PROM1: variants seen among roughly 807,000 people sequenced by gnomAD.
PROM1 encodes the protein prominin 1, also known as prominin-1.
Under a neutral mutation model 116.9 loss-of-function variants are expected in PROM1, and 105 were observed. The ratio of observed to expected loss-of-function variants is 0.90; its 90% CI spans 0.77 to 1.06. The LOEUF (loss-of-function observed/expected upper bound fraction) is 1.06. PROM1 is among the 50% of genes least tolerant of loss of function. PROM1 has a pLI of 0.00. For missense variants in PROM1, 1,122 were observed against 1,045.2 expected (o/e 1.07, Z -1.01); for synonymous variants, 393 against 387.0 (o/e 1.02, Z -0.18).
At chr4:15,972,634 A>C (rs1714880805) in intron 26 of PROM1, among the ~76,000 whole-genome samples, 2 of 152,200 alleles carry the variant, frequency 1.3e-5, no homozygotes, top group Non-Finnish European at 2.9e-5. Flanking sequence ...CTAATCCTGG[A>C]AGCTCCTGAT....
At chr4:16,042,010 C>T (rs1041873843) in intron 2 of PROM1, among the ~76,000 whole-genome samples, 8 of 151,988 alleles carry the variant, frequency 5.3e-5, no homozygotes, top group African/African-American at 1.9e-4. Flanking sequence ...GATGGTGTCT[C>T]ACAATGTTGC....
intron 8 of PROM1, among the ~76,000 whole-genome samples, chr4:16,022,861 C>A (rs60968369): frequency 6.6e-6 from 1 of 152,110 alleles, no homozygotes. Flanking sequence ...AATCAATTTC[C>A]CTCTGATTGA....
chr4:15,991,385 A>G (rs1720947338), intron 17 of PROM1, 92 bp from the exon 18 acceptor site: 2 of 830,846 alleles, frequency 2.4e-6, no homozygotes, highest in African/African-American at 1.8e-5. Context: ...ACATGGATTC[A>G]TAACCATAAA....
At chr4:15,980,197 G>A in intron 24 of PROM1, 1 of 620,092 alleles carries the variant, frequency 1.6e-6, no homozygotes, top group Non-Finnish European at 2.8e-6. Context: ...GCTGGTTAGG[G>A]AAGCTGAGAG....
At chr4:16,063,821 ATACT>A (rs1005016646) in intron 2 of PROM1, among the ~76,000 whole-genome samples, 3 of 152,248 alleles carry the variant, frequency 2.0e-5, no homozygotes, top group Admixed American at 6.5e-5. Context: ...ACATTCTGAA[ATACT>A]TACAGATGAA....
At position 15,968,865 on chromosome 4, in the gene PROM1, T is replaced by A. The variant is rs188494741; in HGVS notation, c.*528A>T. On this transcript the variant is annotated 3_prime_UTR_variant, in exon 28 of 28. Transcript: ENST00000447510. Reference sequence around the variant, plus strand: ...GATTATTTTCAACAGCACCAAGAAGTCAATGGTGACTTATTTAGCTCATTT... The same window carrying A: ...GATTATTTTCAACAGCACCAAGAAGACAATGGTGACTTATTTAGCTCATTT... 3.3e-5 allele frequency: 5 copies of A among 152,318 alleles called. No homozygotes were observed. Among genetic ancestry groups the A allele is most frequent in the Admixed American group, 6.5e-5 (1 of 15,308 alleles). The allele number at this position is 152,318 out of a possible 1,614,324, so 9.4% of individuals were successfully genotyped here. A position where few individuals can be genotyped will look rare whatever the true frequency, so the allele number is the denominator to read the frequency against.
At chr4:15,974,118 TTCTCTCTCTCTCTCTCTC>T (rs35011290) in intron 26 of PROM1, among the ~76,000 whole-genome samples, 1 of 149,360 alleles carries the variant, frequency 6.7e-6, no homozygotes. Flanking sequence ...CTCTCTCTCT[TTCTCTCTCTCTCTCTCTC>T]TCTCTCTAAA....
At chr4:16,081,142 C>T (rs1744970396) in intron 1 of PROM1, among the ~76,000 whole-genome samples, 1 of 151,828 alleles carries the variant, frequency 6.6e-6, no homozygotes, top group Non-Finnish European at 1.5e-5. Context: ...TATACATGTG[C>T]CATGTCGGTG....
At chr4:16,017,288 G>A (rs553405207) in intron 9 of PROM1, among the ~76,000 whole-genome samples, 1 of 152,214 alleles carries the variant, frequency 6.6e-6, no homozygotes, top group Non-Finnish European at 1.5e-5. Flanking sequence ...TGTGAACAGG[G>A]ATCCATGCGT....
intron 2 of PROM1, among the ~76,000 whole-genome samples, chr4:16,059,429 C>T (rs932529553): frequency 2.6e-5 from 4 of 152,186 alleles, no homozygotes; most frequent in Non-Finnish European, 5.9e-5. Flanking sequence ...ACTGGCCAGG[C>T]TCAGAAGCTC....
At chr4:16,013,132 G>C in intron 11 of PROM1, 143 bp downstream of exon 11, 1 of 664,264 alleles carries the variant, frequency 1.5e-6, no homozygotes, top group Non-Finnish European at 2.6e-6. Context: ...TGACACAATT[G>C]TAAAGCTCTG....
chr4:16,080,011 C>CAAAAAAAAAAAAAAAA, intron 1 of PROM1: 1 of 65,906 alleles, frequency 1.5e-5, no homozygotes, highest in Non-Finnish European at 2.6e-5. Context: ...CCTGTCTCTA[C>CAAAAAAAAAAAAAAAA]AAAAAAAAAA....
intron 17 of PROM1, 61 bp downstream of exon 17, chr4:15,992,187 A>C: frequency 6.3e-7 from 1 of 1,585,896 alleles, no homozygotes; most frequent in Non-Finnish European, 8.5e-7. Context: ...AGCAAAACAG[A>C]AATACACATC....
At chr4:16,047,964 T>C (rs190651361) in intron 2 of PROM1, among the ~76,000 whole-genome samples, 59 of 152,266 alleles carry the variant, frequency 3.9e-4, no homozygotes, top group African/African-American at 1.3e-3. Context: ...TGGTGTGCAC[T>C]CAATTCAAAG....
intron 17 of PROM1, 69 bp downstream of exon 17, chr4:15,992,179 C>T: frequency 1.3e-6 from 2 of 1,577,258 alleles, no homozygotes; most frequent in Middle Eastern, 1.7e-4. Flanking sequence ...AAATCAAAAG[C>T]AAAACAGAAA....
At chr4:16,043,447 T>A (rs926491608) in intron 2 of PROM1, among the ~76,000 whole-genome samples, 1 of 152,184 alleles carries the variant, frequency 6.6e-6, no homozygotes, top group Non-Finnish European at 1.5e-5. Flanking sequence ...ACCACAGGCA[T>A]GCACATCACA....
Position 16,038,985 on chromosome 4 carries a change from G to T in PROM1, c.237C>A (p.Phe79Leu). Residue 79 changes from phenylalanine (F) to leucine (L), a missense_variant, in exon 3 of 28, where the codon TTC becomes TTA. Physicochemically the swap from Phe to Leu is conservative, Grantham distance 22. Coordinates refer to ENST00000447510, the MANE Select transcript of PROM1 (RefSeq NM_006017.3). ...TTTTGGATTCATATGCCTTCTGTAA[G>T]AATTTTCTCAAAGTATCTGGAAAAA... ...RDFPEDTLRK[F>L]LQKAYESKID... 4.0e-6 allele frequency: 6 copies of T among 1,493,394 alleles called. No individual in the cohort carries two copies. The highest frequency in any genetic ancestry group is 4.5e-6 in the Non-Finnish European group (5 of 1,119,520). 92.5% of individuals were successfully genotyped at this position (1,493,394 alleles called of 1,614,324 possible). A position where few individuals can be genotyped will look rare whatever the true frequency, so the allele number is the denominator to read the frequency against.
chr4:15,991,490 C>G lies in PROM1; in HGVS notation c.1912-197G>C, dbSNP rs564236832. On this transcript the variant is annotated intron_variant, in intron 17 of 27. Coordinates refer to ENST00000447510, the MANE Select transcript of PROM1 (RefSeq NM_006017.3). ...CATATTTTTATTCAATCATATTATT[C>G]AACTATGAAAAGGAATGAAGTGCTG... Among the ~76,000 whole-genome samples the G allele has an allele frequency of 4.6e-5, 7 of 151,802 alleles. No homozygotes were observed. The South Asian group carries it at 1.0e-3, about 23-fold the overall frequency.
rs200528560 is a variant in PROM1 at position 16,038,975 on chromosome 4, C to T, written c.247G>A (p.Ala83Thr). 1.8e-5 allele frequency: 27 copies of T among 1,498,692 alleles called. No individual in the cohort carries two copies. Among genetic ancestry groups the T allele is most frequent in the South Asian group, 9.9e-5 (7 of 70,552 alleles). 92.8% of individuals were successfully genotyped at this position (1,498,692 alleles called of 1,614,324 possible). A position where few individuals can be genotyped will look rare whatever the true frequency, so the allele number is the denominator to read the frequency against. The change falls in exon 3 of 28, where the codon GCA (alanine) becomes ACA (threonine). Residue 83 changes from alanine to threonine, a missense_variant. Ala to Thr is a moderately conservative substitution (Grantham distance 58). Transcript: ENST00000447510. ...EDTLRKFLQKAYESKIDYDKP... is the reference protein window; with the variant it reads ...EDTLRKFLQKTYESKIDYDKP... ...TCATAATCAATTTTGGATTCATATG[C>T]CTTCTGTAAGAATTTTCTCAAAGTA...
Sources: allele counts gnomAD v4.1 joint callset (sites outside exome capture counted in the v4.1 genomes callset), GRCh38; gene constraint gnomAD v4.1.1; transcripts MANE v1.5; gene names NCBI Gene and HGNC (gene_info 2026-07-23, HGNC 2026-07-21).